Variants in TACR3 observed in about 807,000 individuals in gnomAD.
TACR3 encodes the protein tachykinin receptor 3, also known as neuromedin-K receptor.
In TACR3, 34 loss-of-function variants were observed where a neutral mutation model predicts 35.0. The ratio of observed to expected loss-of-function variants is 0.97; its 90% CI spans 0.74 to 1.30. The LOEUF is 1.30. TACR3 is among the 50% of genes most tolerant of loss of function. TACR3 has a pLI of 0.00. For missense variants in TACR3, 558 were observed against 591.7 expected (o/e 0.94, Z 0.59); for synonymous variants, 233 against 221.1 (o/e 1.05, Z -0.48).
intron 3 of TACR3, among the ~76,000 whole-genome samples, chr4:103,615,985 A>G (rs1724649549): frequency 6.6e-6 from 1 of 152,188 alleles, no homozygotes; most frequent in Non-Finnish European, 1.5e-5. Flanking sequence ...AATTCCGGAA[A>G]TACATTTTAT....
In TACR3 at chr4:103,635,173, A is replaced by G. The variant is rs560311791; in HGVS notation, c.888+21021T>C. On this transcript the variant is annotated intron_variant, in intron 3 of 4. Coordinates refer to ENST00000304883, the MANE Select transcript of TACR3 (RefSeq NM_001059.3). Reference sequence around the variant, plus strand: ...CTACATATAAACATGACATTGTACTATAAGTATGATTTAATACTCTCAGTA... The same window carrying G: ...CTACATATAAACATGACATTGTACTGTAAGTATGATTTAATACTCTCAGTA... Among the ~76,000 whole-genome samples, 35 of 152,106 alleles carry G rather than the reference A, an allele frequency of 2.3e-4. No homozygotes were observed. In the South Asian group the frequency reaches 6.8e-3, roughly 30 times the overall value.
intron 3 of TACR3, among the ~76,000 whole-genome samples, chr4:103,622,677 C>T (rs1001915674): frequency 1.3e-5 from 2 of 152,064 alleles, no homozygotes; most frequent in Non-Finnish European, 2.9e-5. Flanking sequence ...TGCAGTGAGC[C>T]GAGAGGCTTG....
chr4:103,693,998 G>A (rs918522209), intron 1 of TACR3, among the ~76,000 whole-genome samples: 1 of 151,320 alleles, frequency 6.6e-6, no homozygotes, highest in Non-Finnish European at 1.5e-5. Flanking sequence ...TTATTGGTTT[G>A]TAGTACTTTC....
chr4:103,705,813 T>A (rs1408924612), intron 1 of TACR3, among the ~76,000 whole-genome samples: 2 of 152,138 alleles, frequency 1.3e-5, no homozygotes, highest in African/African-American at 2.4e-5. Context: ...TGAAAGAGGA[T>A]CTGAGTGGTT....
chr4:103,680,468 G>GATAT lies in TACR3; in HGVS notation c.549-22069_549-22066dup, dbSNP rs138086790. Among the ~76,000 whole-genome samples the GATAT allele has an allele frequency of 4.8e-3, 695 of 143,322 alleles. 2 individuals are homozygous for GATAT. The highest frequency in any genetic ancestry group is 0.012 in the East Asian group (59 of 4,944). 94.0% of individuals were successfully genotyped at this position (143,322 alleles called of 152,430 possible). A position where few individuals can be genotyped will look rare whatever the true frequency, so the allele number is the denominator to read the frequency against. ...CCATTAGAAAGTTTCCAGATTAAGT[G>GATAT]ATATATATATATATATATACATACA... On this transcript the variant is annotated intron_variant, in intron 1 of 4. Coordinates refer to ENST00000304883, the MANE Select transcript of TACR3 (RefSeq NM_001059.3).
chr4:103,688,814 T>G (rs1401019492), intron 1 of TACR3, among the ~76,000 whole-genome samples: 56 of 152,246 alleles, frequency 3.7e-4, no homozygotes, highest in South Asian at 8.3e-4. Flanking sequence ...CTGTAAACTA[T>G]TTCAATCATT....
chr4:103,593,405 T>G (rs1723936345), intron 3 of TACR3: 1 of 152,124 alleles, frequency 6.6e-6, no homozygotes, highest in Non-Finnish European at 1.5e-5. Context: ...ATGTATAATT[T>G]TAATAAAAAT....
chr4:103,683,846 G>GAA (rs1255685792), intron 1 of TACR3, among the ~76,000 whole-genome samples: 2 of 151,084 alleles, frequency 1.3e-5, no homozygotes, highest in African/African-American at 4.9e-5. Flanking sequence ...GAGAAGGAGA[G>GAA]AGAGAGAGAG....
At chr4:103,700,791 G>T (rs1483212418) in intron 1 of TACR3, among the ~76,000 whole-genome samples, 1 of 152,086 alleles carries the variant, frequency 6.6e-6, no homozygotes, top group African/African-American at 2.4e-5. Context: ...CAGAACCAAC[G>T]ACAAAAAGCA....
intron 3 of TACR3, among the ~76,000 whole-genome samples, chr4:103,650,631 T>G (rs1725574712): frequency 1.2e-5 from 1 of 86,764 alleles, no homozygotes; most frequent in Non-Finnish European, 2.1e-5. Context: ...TATATAAATA[T>G]ATAATATATA....
chr4:103,591,618 G>C lies in TACR3; in HGVS notation c.954C>G (p.Tyr318Ter). 3 of 1,613,700 alleles carry C rather than the reference G, an allele frequency of 1.9e-6. No homozygotes were observed. Among genetic ancestry groups the C allele is most frequent in the Non-Finnish European group, 2.5e-6 (3 of 1,179,810 alleles). ...FAICWLPYHI[Y>*]FILTAIYQQL... is the part of the protein sequence containing the mutation. ...GTTGATAGATTGCAGTGAGAATGAA[G>C]TAAATATGATAGGGCAGCCAGCAGA... Residue 318 changes from tyrosine (Y) to a stop codon, truncating the protein, a stop_gained, in exon 4 of 5, where the codon TAC becomes TAG. Coordinates refer to ENST00000304883, the MANE Select transcript of TACR3 (RefSeq NM_001059.3). LOFTEE classifies it high-confidence loss of function.
In TACR3 at chr4:103,589,820, G is replaced by T; in HGVS notation, c.1260C>A (p.Thr420=). The stretch of plus-strand genomic sequence containing the variant: ...CTCTTTTCTTCCGACTGGACCTGGT[G>T]GTGTCTGCATCGTTGGGGTCAAACA... ...TVVFDPNDAD[T]TRSSRKKRAT... Residue 420 remains threonine, a synonymous_variant, in exon 5 of 5, where the codon ACC becomes ACA. Coordinates refer to ENST00000304883, the MANE Select transcript of TACR3 (RefSeq NM_001059.3). The T allele has an allele frequency of 1.9e-6, 3 of 1,613,970 alleles. No individual in the cohort carries two copies. The highest frequency in any genetic ancestry group is 1.6e-4 in the Middle Eastern group (1 of 6,062).
intron 3 of TACR3, among the ~76,000 whole-genome samples, chr4:103,620,134 CAT>C (rs1265782377): frequency 2.0e-5 from 3 of 151,724 alleles, no homozygotes; most frequent in Admixed American, 1.3e-4. Context: ...GGCCAACAAA[CAT>C]ATAAAAAATG....
chr4:103,685,309 A>G (rs1335848448), intron 1 of TACR3, among the ~76,000 whole-genome samples: 3 of 152,168 alleles, frequency 2.0e-5, no homozygotes, highest in African/African-American at 7.2e-5. Flanking sequence ...GGATATTTGT[A>G]TGCCAAAAAT....
chr4:103,703,958 G>A (rs1722723976), intron 1 of TACR3, among the ~76,000 whole-genome samples: 1 of 151,734 alleles, frequency 6.6e-6, no homozygotes, highest in Admixed American at 6.6e-5. Context: ...AAAAAATTTA[G>A]CAGGGCGTGG....
At chr4:103,618,093 A>G (rs1386022506) in intron 3 of TACR3, among the ~76,000 whole-genome samples, 1 of 151,820 alleles carries the variant, frequency 6.6e-6, no homozygotes, top group African/African-American at 2.4e-5. Flanking sequence ...AGAAAAAATA[A>G]TTCTATTTGT....
At position 103,658,215 on chromosome 4, in the gene TACR3, G is replaced by A. The variant is rs200991185; in HGVS notation, c.737C>T (p.Thr246Ile). The change falls in exon 2 of 5, where the codon ACT (threonine) becomes ATT (isoleucine). Residue 246 changes from threonine to isoleucine, a missense_variant and splice_region_variant. Thr to Ile is a moderately conservative substitution (Grantham distance 89). Coordinates refer to ENST00000304883, the MANE Select transcript of TACR3 (RefSeq NM_001059.3). ...QWPEGPKQHFTYHIIVIILVY... is the reference protein window; with the variant it reads ...QWPEGPKQHFIYHIIVIILVY... Reference sequence around the variant, plus strand: ...AAACCATAATAGAGAATTAACTTACGTGAAATGTTGTTTGGGACCTTCTGG... The same window carrying A: ...AAACCATAATAGAGAATTAACTTACATGAAATGTTGTTTGGGACCTTCTGG... The A allele has an allele frequency of 4.0e-5, 65 of 1,613,626 alleles. No individual in the cohort carries two copies. The highest frequency in any genetic ancestry group is 1.7e-4 in the Middle Eastern group (1 of 6,058).
intron 3 of TACR3, among the ~76,000 whole-genome samples, chr4:103,607,274 G>GC (rs1724397665): frequency 6.6e-6 from 1 of 151,944 alleles, no homozygotes. Flanking sequence ...TTCATTTTGT[G>GC]CCCCTAGAAA....
intron 3 of TACR3, among the ~76,000 whole-genome samples, chr4:103,617,858 T>A (rs570019317): frequency 4.6e-5 from 7 of 152,202 alleles, no homozygotes; most frequent in Non-Finnish European, 1.0e-4. Context: ...AATAGAGGAA[T>A]GAACTTAACT....
Sources: gnomAD v4.1 joint callset for allele counts (sites outside exome capture counted in the v4.1 genomes callset) on GRCh38, gnomAD v4.1.1 for gene constraint, MANE v1.5 for transcripts, NCBI Gene and HGNC (gene_info 2026-07-23, HGNC 2026-07-21) for gene names.